DLG2: variants seen among roughly 807,000 people sequenced by gnomAD.
DLG2 encodes the protein discs large MAGUK scaffold protein 2, also known as disks large homolog 2.
Under a neutral mutation model 132.5 loss-of-function variants are expected in DLG2, and 45 were observed. That is an observed-to-expected ratio of 0.34 (90% confidence interval 0.27 to 0.44). DLG2 has a LOEUF of 0.44. Among genes scored for constraint, DLG2 ranks in the 20% least tolerant of loss-of-function variants. The probability of loss-of-function intolerance (pLI) is 1.00; values close to 1 mark genes in which losing one functional copy is unlikely to be tolerated. For synonymous variants in DLG2, 424 were observed against 419.6 expected, an observed-to-expected ratio of 1.01 and a Z score of -0.13; for missense variants, 1,045 against 1,196.9, an observed-to-expected ratio of 0.87 and a Z score of 1.87.
intron 9 of DLG2, among the ~76,000 whole-genome samples, chr11:84,162,217 G>A (rs887373053): frequency 4.6e-5 from 7 of 151,922 alleles, no homozygotes; most frequent in African/African-American, 1.7e-4. Context: ...TAAGCAAGAA[G>A]GATAAACTAA....
chr11:85,471,672 A>G (rs1294990287), intron 3 of DLG2, among the ~76,000 whole-genome samples: 2 of 152,182 alleles, frequency 1.3e-5, no homozygotes, highest in African/African-American at 4.8e-5. Flanking sequence ...AGAGATAAAA[A>G]AGCCCAAAGG....
At chr11:84,017,367 T>A (rs1212094693) in intron 11 of DLG2, among the ~76,000 whole-genome samples, 3 of 152,054 alleles carry the variant, frequency 2.0e-5, no homozygotes, top group Non-Finnish European at 4.4e-5. Flanking sequence ...ATGTTATATA[T>A]AAATTAAATC....
chr11:83,808,023 C>T (rs2046352636), intron 17 of DLG2, among the ~76,000 whole-genome samples: 2 of 152,156 alleles, frequency 1.3e-5, no homozygotes, highest in Admixed American at 1.3e-4. Context: ...TACTTCTGCT[C>T]CCCACGCATA....
At chr11:85,284,085 A>T (rs1259488268) in intron 4 of DLG2, among the ~76,000 whole-genome samples, 1 of 151,954 alleles carries the variant, frequency 6.6e-6, no homozygotes, top group East Asian at 1.9e-4. Flanking sequence ...TGTAACATTA[A>T]ATGTAAAAGA....
intron 3 of DLG2, among the ~76,000 whole-genome samples, chr11:85,325,302 C>G (rs1263470970): frequency 6.6e-6 from 1 of 152,236 alleles, no homozygotes; most frequent in Non-Finnish European, 1.5e-5. Context: ...CCTCTGTAGG[C>G]TCCACGTCTG....
At chr11:83,886,609 C>T (rs1230528372) in intron 15 of DLG2, among the ~76,000 whole-genome samples, 8 of 151,926 alleles carry the variant, frequency 5.3e-5, no homozygotes, top group Non-Finnish European at 1.2e-4. Context: ...TAATAGACAT[C>T]TACAGAACTC....
At chr11:85,396,302 T>C (rs933424261) in intron 3 of DLG2, among the ~76,000 whole-genome samples, 2 of 152,024 alleles carry the variant, frequency 1.3e-5, no homozygotes, top group African/African-American at 2.4e-5. Context: ...AAGGTAGATA[T>C]AACCACAAAC....
chr11:84,450,233 G>T (rs1259351670), intron 7 of DLG2, among the ~76,000 whole-genome samples: 1 of 151,678 alleles, frequency 6.6e-6, no homozygotes, highest in Non-Finnish European at 1.5e-5. Context: ...TTAAGCCATG[G>T]CGTAACAGTA....
chr11:84,778,764 T>C (rs1254337746), intron 6 of DLG2, among the ~76,000 whole-genome samples: 2 of 152,150 alleles, frequency 1.3e-5, no homozygotes, highest in Admixed American at 1.3e-4. Context: ...TTTGAGTCAG[T>C]GAACTGAGAG....
In DLG2 at chr11:83,787,340, T is replaced by TTTTTTTTTTTTG. The variant is rs66699053; in HGVS notation, c.1723-549_1723-548insCAAAAAAAAAAA. ...TTTTTTTTGTTTTTTTTTTTTTTTT[T>TTTTTTTTTTTTG]AGACAGAGTCTCGCTCTTTCGCCCA... On this transcript the variant is annotated intron_variant, in intron 17 of 27. Transcript: ENST00000376104. Among the ~76,000 whole-genome samples, 74 of 102,732 alleles carry TTTTTTTTTTTTG rather than the reference T, an allele frequency of 7.2e-4. 19 individuals carry two copies. Among genetic ancestry groups the TTTTTTTTTTTTG allele is most frequent in the African/African-American group, 1.4e-3 (34 of 23,880 alleles). The allele number at this position is 102,732 out of a possible 152,430, so 67.4% of individuals were successfully genotyped here.
intron 6 of DLG2, among the ~76,000 whole-genome samples, chr11:84,889,991 A>G (rs1282699784): frequency 6.6e-6 from 1 of 152,232 alleles, no homozygotes; most frequent in African/African-American, 2.4e-5. Context: ...ATAGTTCCTC[A>G]GTGAAATATA....
intron 4 of DLG2, among the ~76,000 whole-genome samples, chr11:85,239,076 A>T (rs2075745935): frequency 6.6e-6 from 1 of 152,080 alleles, no homozygotes; most frequent in Non-Finnish European, 1.5e-5. Context: ...AATACACAAG[A>T]ACCTTGAACT....
chr11:85,598,665 G>A lies in DLG2; in HGVS notation c.32C>T (p.Ala11Val). The A allele has an allele frequency of 6.4e-7, 1 of 1,573,204 alleles. No homozygotes were observed. The highest frequency in any genetic ancestry group is 1.2e-5 in the South Asian group (1 of 84,306). The change falls in exon 3 of 28, where the codon GCT (alanine) becomes GTT (valine). Residue 11 changes from alanine (A) to valine (V), a missense_variant. By Grantham distance (64) the Ala-to-Val change is moderately conservative. Coordinates refer to ENST00000376104, the MANE Select transcript of DLG2 (RefSeq NM_001142699.3). ...ACTTTCATAATACATACCTAGCAAA[G>A]CTTGGAATAAGCTGCTCTTAAAGAT... MGIFKSSLFQ[A>V]LLDIQEFYEV...
intron 4 of DLG2, among the ~76,000 whole-genome samples, chr11:85,283,055 CAG>C (rs141468655): frequency 0.028 from 4,217 of 151,874 alleles, 86 homozygotes; most frequent in Non-Finnish European, 0.041. Context: ...TGGTCACAAA[CAG>C]GGGAACAACA....
At chr11:84,545,166 A>C (rs981709358) in intron 6 of DLG2, 2 of 453,864 alleles carry the variant, frequency 4.4e-6, no homozygotes, top group African/African-American at 4.0e-5. Flanking sequence ...TAATGCTGCT[A>C]CTGGAACCAC....
chr11:85,124,023 G>C (rs1594568642), intron 5 of DLG2, among the ~76,000 whole-genome samples: 1 of 152,330 alleles, frequency 6.6e-6, no homozygotes, highest in East Asian at 1.9e-4. Flanking sequence ...CTAGCTAATT[G>C]AATTAGTGAA....
chr11:84,022,755 G>A (rs2095431291), intron 11 of DLG2, among the ~76,000 whole-genome samples: 1 of 152,048 alleles, frequency 6.6e-6, no homozygotes, highest in Admixed American at 6.6e-5. Flanking sequence ...GAGTAGGGTG[G>A]TGGGAAGTAG....
chr11:84,121,029 T>A (rs912445994), intron 9 of DLG2, among the ~76,000 whole-genome samples: 17 of 152,242 alleles, frequency 1.1e-4, no homozygotes, highest in African/African-American at 4.1e-4. Flanking sequence ...ATTCATTAAT[T>A]TATTCATTCA....
chr11:83,958,403 C>T (rs1257476416), intron 14 of DLG2, among the ~76,000 whole-genome samples: 1 of 152,020 alleles, frequency 6.6e-6, no homozygotes, highest in Non-Finnish European at 1.5e-5. Context: ...TTTTAATGAA[C>T]TAAATGATGT....
Sources: allele counts gnomAD v4.1 joint callset (sites outside exome capture counted in the v4.1 genomes callset), GRCh38; gene constraint gnomAD v4.1.1; transcripts MANE v1.5; gene names NCBI Gene and HGNC (gene_info 2026-07-23, HGNC 2026-07-21).